EYS: variants seen among roughly 807,000 people sequenced by gnomAD.
EYS encodes the protein EGF-like photoreceptor maintenance factor, also known as protein eyes shut homolog.
A neutral mutation model predicts 282.1 loss-of-function variants in EYS; 250 were observed. That is an observed-to-expected ratio of 0.89 (90% CI 0.80 to 0.98). EYS has a LOEUF of 0.98. EYS is among the 50% of genes least tolerant of loss of function. The probability of loss-of-function intolerance (pLI) is 0.00; values close to 1 mark genes in which losing one functional copy is unlikely to be tolerated. For synonymous variants in EYS, 1,355 were observed against 1,282.9 expected (o/e 1.06, Z -1.20); for missense variants, 4,016 against 3,709.0 (o/e 1.08, Z -2.15).
chr6:65,326,374 T>G (rs911576999), intron 11 of EYS, among the ~76,000 whole-genome samples: 2 of 151,368 alleles, frequency 1.3e-5, no homozygotes, highest in Admixed American at 6.6e-5. Flanking sequence ...AGAAATGCTA[T>G]GTATATTAAA....
intron 35 of EYS, among the ~76,000 whole-genome samples, chr6:63,928,377 A>T (rs1489790573): frequency 6.6e-6 from 1 of 152,202 alleles, no homozygotes; most frequent in Non-Finnish European, 1.5e-5. Context: ...CCATGAAGGC[A>T]AATATTTTTG....
At chr6:64,569,479 C>T (rs751861002) in intron 26 of EYS, among the ~76,000 whole-genome samples, 2 of 151,832 alleles carry the variant, frequency 1.3e-5, no homozygotes, top group Non-Finnish European at 2.9e-5. Flanking sequence ...TGGTGGCTCA[C>T]GCCTGTAATC....
chr6:65,299,606 C>A (rs938717501), intron 11 of EYS, among the ~76,000 whole-genome samples: 5 of 111,078 alleles, frequency 4.5e-5, no homozygotes, highest in African/African-American at 1.3e-4. Context: ...TCATCAAATA[C>A]TATGTAAATA....
intron 7 of EYS, among the ~76,000 whole-genome samples, chr6:65,389,607 A>T (rs879924478): frequency 6.6e-5 from 10 of 152,140 alleles, no homozygotes; most frequent in Non-Finnish European, 1.3e-4. Flanking sequence ...AAGTGTTCAT[A>T]TCCATGATAT....
intron 2 of EYS, among the ~76,000 whole-genome samples, chr6:65,499,765 G>GA (rs960230153): frequency 6.6e-5 from 10 of 151,738 alleles, no homozygotes; most frequent in East Asian, 5.8e-4. Context: ...CTAGAAAAGG[G>GA]AAAAAAATGG....
At chr6:65,701,065 A>G (rs1305899736) in intron 1 of EYS, among the ~76,000 whole-genome samples, 2 of 152,178 alleles carry the variant, frequency 1.3e-5, no homozygotes, top group African/African-American at 4.8e-5. Flanking sequence ...TGCCATATAC[A>G]CCATCCTTGT....
chr6:64,959,589 G>A (rs1769845450), intron 14 of EYS, among the ~76,000 whole-genome samples: 1 of 152,100 alleles, frequency 6.6e-6, no homozygotes, highest in Non-Finnish European at 1.5e-5. Flanking sequence ...ATGACATGTA[G>A]GCTATTGAAC....
intron 12 of EYS, among the ~76,000 whole-genome samples, chr6:65,150,260 T>A (rs1421914340): frequency 6.6e-6 from 1 of 152,092 alleles, no homozygotes; most frequent in African/African-American, 2.4e-5. Context: ...TTTTACTTTT[T>A]TTCCCCTTTT....
At chr6:63,904,341 C>G (rs1331980101) in intron 35 of EYS, among the ~76,000 whole-genome samples, 1 of 150,952 alleles carries the variant, frequency 6.6e-6, no homozygotes, top group Non-Finnish European at 1.5e-5. Flanking sequence ...CTTTTTTTTT[C>G]TATCTTCACA....
chr6:64,360,628 A>G (rs1478184611), intron 29 of EYS, among the ~76,000 whole-genome samples: 2 of 151,766 alleles, frequency 1.3e-5, no homozygotes, highest in Non-Finnish European at 2.9e-5. Context: ...CAGTTTCAGG[A>G]AGCCCAATAT....
intron 22 of EYS, among the ~76,000 whole-genome samples, chr6:64,674,753 C>CACAT (rs1554191817): frequency 1.4e-5 from 2 of 147,758 alleles, no homozygotes; most frequent in South Asian, 2.1e-4. Context: ...CACACACACA[C>CACAT]GCATATATAC....
chr6:64,882,337 C>G (rs968975454), intron 19 of EYS, among the ~76,000 whole-genome samples: 2 of 151,642 alleles, frequency 1.3e-5, no homozygotes, highest in Non-Finnish European at 3.0e-5. Context: ...GAAATTTTAC[C>G]CATACATTAT....
chr6:64,021,154 A>AG lies in EYS; in HGVS notation c.6726-21972dup, dbSNP rs201511017. On this transcript the variant is annotated intron_variant, in intron 33 of 42. Coordinates refer to ENST00000503581, the MANE Select transcript of EYS (RefSeq NM_001142800.2). ...AAATTCCTTGCAGTGATAGTTTTCA[A>AG]GGGAAAAAAAAAAAGCCTTTTCTTT... 4.3e-4 allele frequency among the ~76,000 whole-genome samples: 57 copies of AG among 131,742 alleles called. No homozygotes were observed. The East Asian group carries it at 9.6e-3, about 22-fold the overall frequency. 86.4% of individuals were successfully genotyped at this position (131,742 alleles called of 152,430 possible).
intron 22 of EYS, among the ~76,000 whole-genome samples, chr6:64,650,743 T>C (rs1345474090): frequency 6.6e-6 from 1 of 152,050 alleles, no homozygotes; most frequent in African/African-American, 2.4e-5. Context: ...TCATGTTGTA[T>C]AAACTGTCTC....
chr6:64,075,626 C>T lies in EYS; in HGVS notation c.6571+6230G>A, dbSNP rs578031087. Reference sequence around the variant, plus strand: ...TTAGTCTATTTGTTGCTAGGATGAACATGGCTGTTAAATGGATATAACATT... The same window carrying T: ...TTAGTCTATTTGTTGCTAGGATGAATATGGCTGTTAAATGGATATAACATT... On this transcript the variant is annotated intron_variant, in intron 32 of 42. Coordinates refer to ENST00000503581, the MANE Select transcript of EYS (RefSeq NM_001142800.2). Among the ~76,000 whole-genome samples, 13 of 151,992 alleles carry T rather than the reference C, an allele frequency of 8.6e-5. No individual in the cohort carries two copies. The South Asian group carries it at 2.7e-3, about 31-fold the overall frequency.
chr6:65,415,719 T>C (rs1441070492), intron 5 of EYS, among the ~76,000 whole-genome samples: 1 of 152,068 alleles, frequency 6.6e-6, no homozygotes, highest in Non-Finnish European at 1.5e-5. Flanking sequence ...TTTCTGCTGT[T>C]TACTAAAATA....
intron 26 of EYS, among the ~76,000 whole-genome samples, chr6:64,503,965 A>G (rs1777131968): frequency 6.6e-6 from 1 of 152,122 alleles, no homozygotes. Context: ...CCACGGTAAG[A>G]TGTGACTTGC....
chr6:64,078,559 A>G (rs770506589), intron 32 of EYS, among the ~76,000 whole-genome samples: 11 of 152,046 alleles, frequency 7.2e-5, no homozygotes, highest in Non-Finnish European at 1.2e-4. Context: ...TACCACCTTA[A>G]AAATGAACAG....
At chr6:64,042,169 T>C (rs1770420857) in intron 33 of EYS, among the ~76,000 whole-genome samples, 1 of 152,222 alleles carries the variant, frequency 6.6e-6, no homozygotes, top group Non-Finnish European at 1.5e-5. Context: ...GTCATATTTT[T>C]GGTTAGTGAT....
Sources: allele counts gnomAD v4.1 joint callset (sites outside exome capture counted in the v4.1 genomes callset), GRCh38; gene constraint gnomAD v4.1.1; transcripts MANE v1.5; gene names NCBI Gene and HGNC (gene_info 2026-07-23, HGNC 2026-07-21).